Variants in NEDD9 observed in about 807,000 individuals in gnomAD.
NEDD9 encodes neural precursor cell expressed, developmentally down-regulated 9, also known as enhancer of filamentation 1.
A neutral mutation model predicts 76.6 loss-of-function variants in NEDD9; 26 were observed. That is an observed-to-expected ratio of 0.34 (90% CI 0.25 to 0.47). The LOEUF is 0.47. Among genes scored for constraint, NEDD9 ranks in the 20% least tolerant of loss-of-function variants. The probability of loss-of-function intolerance (pLI) is 1.00; values close to 1 mark genes in which losing one functional copy is unlikely to be tolerated. For synonymous variants in NEDD9, 392 were observed against 414.2 expected (o/e 0.95, Z 0.65); for missense variants, 937 against 1,058.5 (o/e 0.89, Z 1.59).
At chr6:11,291,283 T>A in intron 3 of NEDD9, among the ~76,000 whole-genome samples, 1 of 143,628 alleles carries the variant, frequency 7.0e-6, no homozygotes, top group Non-Finnish European at 1.5e-5. Context: ...TTTTTTTTTT[T>A]TTTTTTTTTG....
chr6:11,374,618 A>G lies in NEDD9; in HGVS notation c.-214+7521T>C, dbSNP rs57574161. Among the ~76,000 whole-genome samples, 442 of 152,358 alleles carry G rather than the reference A, an allele frequency of 2.9e-3. 2 individuals carry two copies. Among genetic ancestry groups the G allele is most frequent in the African/African-American group, 0.01 (418 of 41,582 alleles). ...AACTGTGTGGTAGCTGCATAGTCGC[A>G]TATGCTATAGAAAAAGGTGAATATA... On this transcript the variant is annotated intron_variant, in intron 1 of 3. Transcript: ENST00000397378.
At chr6:11,193,057 C>G (rs1180813906) in intron 3 of NEDD9, among the ~76,000 whole-genome samples, 1 of 151,354 alleles carries the variant, frequency 6.6e-6, no homozygotes, top group South Asian at 2.1e-4. Context: ...GTAATCCCAG[C>G]ACTTTGGAAG....
chr6:11,223,829 G>C (rs1029396719), intron 1 of NEDD9, among the ~76,000 whole-genome samples: 5 of 152,146 alleles, frequency 3.3e-5, no homozygotes, highest in African/African-American at 1.2e-4. Flanking sequence ...AGGAAAGAGA[G>C]CACCTTGTTA....
chr6:11,304,286 C>G lies in NEDD9; in HGVS notation c.12+1706G>C, dbSNP rs975594119. Reference sequence around the variant, plus strand: ...ATCTCACACCAGTTAGAATGGCCATCATTAAAAAGTCAGGAAACAACAGAT... The same window carrying G: ...ATCTCACACCAGTTAGAATGGCCATGATTAAAAAGTCAGGAAACAACAGAT... On this transcript the variant is annotated intron_variant, in intron 3 of 3. Transcript: ENST00000397378. Among the ~76,000 whole-genome samples, 11 of 152,232 alleles carry G rather than the reference C, an allele frequency of 7.2e-5. 1 individual carries two copies. The highest frequency in any genetic ancestry group is 2.4e-4 in the African/African-American group (10 of 41,532).
At chr6:11,285,846 T>A (rs527356999) in intron 3 of NEDD9, among the ~76,000 whole-genome samples, 1 of 152,200 alleles carries the variant, frequency 6.6e-6, no homozygotes, top group Admixed American at 6.5e-5. Flanking sequence ...TTTCATTATA[T>A]GAATATTAAT....
intron 3 of NEDD9, among the ~76,000 whole-genome samples, chr6:11,249,660 C>G (rs1307097718): frequency 6.6e-6 from 1 of 152,120 alleles, no homozygotes; most frequent in East Asian, 1.9e-4. Context: ...AGGATGACTG[C>G]TAGTGTTGGC....
Position 11,191,184 on chromosome 6 carries a change from C to G in NEDD9, c.685G>C (p.Ala229Pro). 1.9e-6 allele frequency: 3 copies of G among 1,607,014 alleles called. No individual in the cohort carries two copies. The South Asian group carries it at 3.3e-5, about 18-fold the overall frequency. The change falls in exon 5 of 7, where the codon GCT becomes CCT. Residue 229 changes from alanine to proline, a missense_variant. Coordinates refer to ENST00000379446, the MANE Select transcript of NEDD9 (RefSeq NM_006403.4). Reference sequence around the variant, plus strand: ...CTAAGCCCTGCTTCATCCCGGCAAGCAGAGGGCGGAATGGCATATACCTGC... The same window carrying G: ...CTAAGCCCTGCTTCATCCCGGCAAGGAGAGGGCGGAATGGCATATACCTGC... Reference protein sequence around the residue: ...TKGVYAIPPSACRDEAGLREK... With the variant: ...TKGVYAIPPSPCRDEAGLREK...
At chr6:11,223,196 C>A (rs191515862) in intron 1 of NEDD9, among the ~76,000 whole-genome samples, 2 of 152,340 alleles carry the variant, frequency 1.3e-5, no homozygotes, top group African/African-American at 4.8e-5. Context: ...GGACACCAGA[C>A]TGAATTAGGA....
intron 1 of NEDD9, among the ~76,000 whole-genome samples, chr6:11,374,988 G>T (rs1762948562): frequency 6.6e-6 from 1 of 151,990 alleles, no homozygotes; most frequent in South Asian, 2.1e-4. Context: ...TCCCTCCTTT[G>T]ATGTCCCCTA....
intron 3 of NEDD9, among the ~76,000 whole-genome samples, chr6:11,291,274 T>TG (rs1760761293): frequency 7.2e-6 from 1 of 139,724 alleles, no homozygotes; most frequent in Non-Finnish European, 1.5e-5. Context: ...GAGGTTTTTT[T>TG]TTTTTTTTTT....
At chr6:11,209,018 C>A (rs1460477289) in intron 2 of NEDD9, among the ~76,000 whole-genome samples, 2 of 152,000 alleles carry the variant, frequency 1.3e-5, no homozygotes, top group Non-Finnish European at 2.9e-5. Context: ...TTTAGGATTG[C>A]CTGTGGGTTC....
At chr6:11,204,823 G>T (rs944207222) in intron 2 of NEDD9, among the ~76,000 whole-genome samples, 1 of 151,946 alleles carries the variant, frequency 6.6e-6, no homozygotes. Flanking sequence ...AGTGGTACTG[G>T]AGTCTAGACA....
intron 2 of NEDD9, among the ~76,000 whole-genome samples, chr6:11,322,097 G>A (rs978459633): frequency 6.6e-6 from 1 of 152,076 alleles, no homozygotes; most frequent in African/African-American, 2.4e-5. Context: ...AACACCACAT[G>A]TTCTCACTCA....
At chr6:11,196,361 G>A (rs1353543188) in intron 2 of NEDD9, among the ~76,000 whole-genome samples, 2 of 152,146 alleles carry the variant, frequency 1.3e-5, no homozygotes, top group African/African-American at 4.8e-5. Context: ...GGGAGCTAGA[G>A]TGGGTGGCGT....
intron 2 of NEDD9, among the ~76,000 whole-genome samples, chr6:11,327,912 G>GAACAGCTGTGC (rs1172921502): frequency 1.8e-4 from 28 of 152,366 alleles, no homozygotes; most frequent in Non-Finnish European, 1.2e-4. Flanking sequence ...AGCAGGAATG[G>GAACAGCTGTGC]AACAGCTGTG....
rs536704542 is a variant in NEDD9, at chr6:11,319,104, G to T, written c.-152-12949C>A. 3.9e-5 allele frequency among the ~76,000 whole-genome samples: 6 copies of T among 152,332 alleles called. No homozygotes were observed. The South Asian group carries it at 1.2e-3, about 32-fold the overall frequency. On this transcript the variant is annotated intron_variant, in intron 2 of 3. Transcript: ENST00000397378. Reference sequence around the variant, plus strand: ...AAGATAAACAACTTTATTTGTGGTTGTGCAGATGCCATGTGGAATATCTGC... The same window carrying T: ...AAGATAAACAACTTTATTTGTGGTTTTGCAGATGCCATGTGGAATATCTGC...
chr6:11,343,418 G>A (rs372311554), intron 1 of NEDD9, among the ~76,000 whole-genome samples: 1 of 151,606 alleles, frequency 6.6e-6, no homozygotes, highest in African/African-American at 2.4e-5. Context: ...AACAGAAGGT[G>A]GCTCTGTCTC....
chr6:11,381,839 C>A (rs879470841), intron 1 of NEDD9, among the ~76,000 whole-genome samples: 1 of 152,140 alleles, frequency 6.6e-6, no homozygotes, highest in Non-Finnish European at 1.5e-5. Flanking sequence ...AGCTCTCTGA[C>A]GACAGTAGGA....
At chr6:11,259,397 C>T (rs1309612692) in intron 3 of NEDD9, among the ~76,000 whole-genome samples, 1 of 152,152 alleles carries the variant, frequency 6.6e-6, no homozygotes, top group African/African-American at 2.4e-5. Context: ...GGATTGTATC[C>T]TTGGAAACAG....
Sources: gnomAD v4.1 joint callset for allele counts (sites outside exome capture counted in the v4.1 genomes callset) on GRCh38, gnomAD v4.1.1 for gene constraint, MANE v1.5 for transcripts, NCBI Gene and HGNC (gene_info 2026-07-23, HGNC 2026-07-21) for gene names.